The following DLGAP2 variants were observed in gnomAD, a reference collection of about 807,000 sequenced individuals.
The protein encoded by DLGAP2 is disks large-associated protein 2.
DLGAP2 carries 26 observed loss-of-function variants against 100.3 expected under a neutral mutation model. The ratio of observed to expected loss-of-function variants is 0.26; its 90% CI spans 0.19 to 0.36. The LOEUF (loss-of-function observed/expected upper bound fraction) is 0.36. Among genes scored for constraint, DLGAP2 ranks in the 10% least tolerant of loss-of-function variants. The probability of loss-of-function intolerance (pLI) is 1.00; values close to 1 mark genes in which losing one functional copy is unlikely to be tolerated. For missense variants in DLGAP2, 1,858 were observed against 1,453.2 expected (o/e 1.28, Z -4.53); for synonymous variants, 886 against 630.1 (o/e 1.41, Z -6.08).
intron 3 of DLGAP2, among the ~76,000 whole-genome samples, chr8:1,323,590 C>G (rs984376198): frequency 6.6e-6 from 1 of 152,204 alleles, no homozygotes; most frequent in Non-Finnish European, 1.5e-5. Flanking sequence ...CAGGCAGCAG[C>G]AGCTCCTGCT....
At chr8:1,627,037 G>A in intron 7 of DLGAP2, 150 bp downstream of exon 7, 3 of 921,524 alleles carry the variant, frequency 3.3e-6, no homozygotes, top group Non-Finnish European at 4.8e-6. Context: ...CCTGGAATTA[G>A]CTCTGGCTGA....
Position 1,548,844 on chromosome 8 carries a change from G to C in DLGAP2, c.391G>C (p.Gly131Arg), listed in dbSNP as rs1490347530. Residue 131 changes from glycine to arginine, a missense_variant, in exon 5 of 15, where the codon GGG becomes CGG. Physicochemically the swap from Gly to Arg is moderately radical, Grantham distance 125. Transcript: ENST00000637795. ...GAGCCCCGCCGACAGCTGCCCCGGG[G>C]GGCGCCACCGCTGCTCGCCGCGCAG... is the stretch of plus-strand genomic sequence containing the variant. Reference protein sequence around the residue: ...LLSPADSCPGGRHRCSPRSSV... With the variant: ...LLSPADSCPGRRHRCSPRSSV... 3 of 1,579,808 alleles carry C rather than the reference G, an allele frequency of 1.9e-6. No individual in the cohort carries two copies. The South Asian group carries it at 3.4e-5, about 18-fold the overall frequency.
intron 1 of DLGAP2, among the ~76,000 whole-genome samples, chr8:890,138 G>C (rs1798005206): frequency 2.0e-5 from 3 of 152,162 alleles, no homozygotes; most frequent in Admixed American, 2.0e-4. Flanking sequence ...GGATTCACAT[G>C]CTTATTTTGT....
intron 1 of DLGAP2, among the ~76,000 whole-genome samples, chr8:905,765 C>A (rs1798365793): frequency 6.6e-6 from 1 of 152,156 alleles, no homozygotes; most frequent in Admixed American, 6.5e-5. Context: ...CTGGGCTGGT[C>A]CTGCTGTGGC....
chr8:1,190,783 G>C (rs377472639), intron 2 of DLGAP2, among the ~76,000 whole-genome samples: 1 of 152,016 alleles, frequency 6.6e-6, no homozygotes, highest in Non-Finnish European at 1.5e-5. Context: ...CCAGGTTCCA[G>C]GTGCACGCAG....
At position 1,415,636 on chromosome 8, in the gene DLGAP2, G is replaced by A. The variant is rs560683586; in HGVS notation, c.107-85730G>A. Among the ~76,000 whole-genome samples, 9 of 152,306 alleles carry A rather than the reference G, an allele frequency of 5.9e-5. No homozygotes were observed. In the South Asian group the frequency reaches 8.3e-4, roughly 14 times the overall value. ...CTGCATCCGTGTTGCTGCAGAGGAC[G>A]TGATTCCATTCTCTCTTACGGCTGC... On this transcript the variant is annotated intron_variant, in intron 3 of 14. Transcript: ENST00000637795.
intron 4 of DLGAP2, among the ~76,000 whole-genome samples, chr8:1,538,441 T>G (rs1250705438): frequency 1.3e-5 from 2 of 152,160 alleles, no homozygotes; most frequent in Non-Finnish European, 2.9e-5. Context: ...GGAGAGGAAA[T>G]GAAGAACATA....
At chr8:1,587,264 T>C (rs1796148836) in intron 6 of DLGAP2, among the ~76,000 whole-genome samples, 1 of 152,208 alleles carries the variant, frequency 6.6e-6, no homozygotes. Flanking sequence ...AGGAGATTTT[T>C]ATAGATTTGC....
intron 3 of DLGAP2, among the ~76,000 whole-genome samples, chr8:1,327,929 G>A (rs974814035): frequency 6.6e-6 from 1 of 152,196 alleles, no homozygotes; most frequent in Non-Finnish European, 1.5e-5. Context: ...TCCTCAGACT[G>A]TACAAGACCA....
intron 1 of DLGAP2, among the ~76,000 whole-genome samples, chr8:773,561 T>C (rs1377800279): frequency 9.0e-5 from 13 of 143,872 alleles, no homozygotes; most frequent in African/African-American, 3.3e-4. Flanking sequence ...TGTGATCTCA[T>C]TGTTCAATTC....
intron 8 of DLGAP2, among the ~76,000 whole-genome samples, chr8:1,666,246 A>G (rs904258735): frequency 6.6e-6 from 1 of 152,186 alleles, no homozygotes; most frequent in Non-Finnish European, 1.5e-5. Flanking sequence ...GAACAAAAGA[A>G]AAAAAGACAG....
chr8:843,406 C>T (rs539528575), intron 1 of DLGAP2, among the ~76,000 whole-genome samples: 41 of 152,192 alleles, frequency 2.7e-4, no homozygotes, highest in African/African-American at 8.0e-4. Flanking sequence ...GCTGTCTTTA[C>T]GGGGAGACCC....
intron 2 of DLGAP2, among the ~76,000 whole-genome samples, chr8:1,101,458 C>A (rs937964412): frequency 6.6e-6 from 1 of 152,072 alleles, no homozygotes; most frequent in African/African-American, 2.4e-5. Flanking sequence ...ACAATGTGAG[C>A]GACTCACAGG....
At chr8:1,161,955 C>T (rs1005933899) in intron 2 of DLGAP2, among the ~76,000 whole-genome samples, 4 of 152,234 alleles carry the variant, frequency 2.6e-5, no homozygotes, top group Non-Finnish European at 5.9e-5. Context: ...GTCAGGGGTG[C>T]GTCAGAGTCA....
intron 2 of DLGAP2, among the ~76,000 whole-genome samples, chr8:1,162,329 A>C (rs1396480539): frequency 2.0e-5 from 3 of 152,218 alleles, no homozygotes; most frequent in Non-Finnish European, 4.4e-5. Context: ...GTTTCTAGCC[A>C]GCGTGAATTG....
intron 2 of DLGAP2, among the ~76,000 whole-genome samples, chr8:1,087,536 CCT>C (rs762386760): frequency 5.9e-4 from 87 of 147,068 alleles, no homozygotes; most frequent in Non-Finnish European, 1.0e-3. Context: ...ATGTGTGACT[CCT>C]CTTTCTCTCT....
intron 4 of DLGAP2, among the ~76,000 whole-genome samples, chr8:1,546,724 A>G (rs1220987528): frequency 6.6e-6 from 1 of 152,128 alleles, no homozygotes; most frequent in African/African-American, 2.4e-5. Flanking sequence ...TGGCTCTCCA[A>G]GCGCAGGGCA....
chr8:1,207,664 A>G (rs1798023885), intron 2 of DLGAP2, among the ~76,000 whole-genome samples: 1 of 152,198 alleles, frequency 6.6e-6, no homozygotes, highest in Non-Finnish European at 1.5e-5. Flanking sequence ...TAGTGGTTGT[A>G]CTAGTTTACA....
chr8:1,204,037 C>T (rs906493491), intron 2 of DLGAP2, among the ~76,000 whole-genome samples: 2 of 152,218 alleles, frequency 1.3e-5, no homozygotes, highest in Non-Finnish European at 2.9e-5. Context: ...AATGTGCTTA[C>T]GAACCACCTG....
Sources: gnomAD v4.1 joint callset for allele counts (sites outside exome capture counted in the v4.1 genomes callset) on GRCh38, gnomAD v4.1.1 for gene constraint, MANE v1.5 for transcripts, NCBI Gene and HGNC (gene_info 2026-07-23, HGNC 2026-07-21) for gene names.